Variants in KCNIP4 observed in about 807,000 individuals in gnomAD.
The protein encoded by KCNIP4 is potassium voltage-gated channel interacting protein 4, also known as Kv channel-interacting protein 4.
In KCNIP4, 12 loss-of-function variants were observed where a neutral mutation model predicts 34.0. The ratio of observed to expected loss-of-function variants is 0.35; its 90% CI spans 0.23 to 0.57. The LOEUF is 0.57. Ranked by LOEUF, KCNIP4 falls within the 20% of genes least tolerant of loss-of-function variation. The probability of loss-of-function intolerance (pLI) is 0.83; values close to 1 mark genes in which losing one functional copy is unlikely to be tolerated. For synonymous variants in KCNIP4, 124 were observed against 102.2 expected (o/e 1.21, Z -1.29); for missense variants, 238 against 311.7 (o/e 0.76, Z 1.78).
intron 1 of KCNIP4, among the ~76,000 whole-genome samples, chr4:21,440,986 C>T (rs1727421110): frequency 6.6e-6 from 1 of 152,058 alleles, no homozygotes; most frequent in Admixed American, 6.6e-5. Flanking sequence ...CAATCAGTAC[C>T]AAAGGCTGTC....
chr4:21,788,081 C>G (rs558096778), intron 1 of KCNIP4, among the ~76,000 whole-genome samples: 2 of 152,058 alleles, frequency 1.3e-5, no homozygotes, highest in Non-Finnish European at 2.9e-5. Flanking sequence ...CAGGCCTTGT[C>G]AATTAAATTT....
intron 1 of KCNIP4, among the ~76,000 whole-genome samples, chr4:21,645,003 T>C (rs1342100915): frequency 6.6e-6 from 1 of 152,178 alleles, no homozygotes. Flanking sequence ...AGATAACTCT[T>C]ATTGAACATT....
intron 1 of KCNIP4, among the ~76,000 whole-genome samples, chr4:21,293,232 T>C (rs2109214911): frequency 6.6e-6 from 1 of 152,348 alleles, no homozygotes; most frequent in South Asian, 2.1e-4. Flanking sequence ...TTCATCTCTA[T>C]AAGTCTTAAC....
intron 1 of KCNIP4, among the ~76,000 whole-genome samples, chr4:21,713,593 T>C (rs1157434949): frequency 6.6e-6 from 1 of 152,238 alleles, no homozygotes; most frequent in Non-Finnish European, 1.5e-5. Context: ...TTGTCATTTC[T>C]AAGTGTTGAA....
At chr4:21,843,781 C>T (rs1723837809) in intron 1 of KCNIP4, 1 of 152,042 alleles carries the variant, frequency 6.6e-6, no homozygotes. Flanking sequence ...ATTACAATTG[C>T]AAGTAATATG....
At chr4:21,018,299 G>C (rs1289853483) in intron 1 of KCNIP4, among the ~76,000 whole-genome samples, 1 of 152,162 alleles carries the variant, frequency 6.6e-6, no homozygotes, top group East Asian at 1.9e-4. Context: ...TATACTTGCT[G>C]CTTCTGAGAT....
intron 2 of KCNIP4, among the ~76,000 whole-genome samples, chr4:20,865,024 T>C (rs953647573): frequency 1.3e-5 from 2 of 152,156 alleles, no homozygotes; most frequent in Admixed American, 6.6e-5. Context: ...TTATAATACC[T>C]AATTTTCACC....
intron 1 of KCNIP4, among the ~76,000 whole-genome samples, chr4:21,817,190 C>G (rs1722038749): frequency 6.6e-6 from 1 of 152,038 alleles, no homozygotes; most frequent in Non-Finnish European, 1.5e-5. Context: ...AGTCAGGGAC[C>G]CCAAATGGAG....
intron 1 of KCNIP4, among the ~76,000 whole-genome samples, chr4:21,492,307 C>A (rs1197732331): frequency 1.3e-5 from 2 of 152,164 alleles, no homozygotes; most frequent in Admixed American, 1.3e-4. Context: ...CAGTCTTGAA[C>A]TCCGGGACTC....
intron 1 of KCNIP4, among the ~76,000 whole-genome samples, chr4:21,678,418 T>G (rs1486529342): frequency 6.6e-6 from 1 of 151,370 alleles, no homozygotes; most frequent in African/African-American, 2.4e-5. Flanking sequence ...AGCCAGTAGT[T>G]TGCTGACCTC....
At chr4:20,985,200 G>A (rs1399115790) in intron 1 of KCNIP4, among the ~76,000 whole-genome samples, 2 of 152,148 alleles carry the variant, frequency 1.3e-5, no homozygotes, top group African/African-American at 2.4e-5. Flanking sequence ...CTTGCTATGT[G>A]ATCTTGTGCA....
chr4:20,915,854 CA>C (rs1376648168), intron 1 of KCNIP4, among the ~76,000 whole-genome samples: 2 of 152,146 alleles, frequency 1.3e-5, no homozygotes, highest in Admixed American at 6.5e-5. Context: ...CTCAGTTTAA[CA>C]TTGCAAGCAA....
At chr4:21,375,047 C>A (rs1197779854) in intron 1 of KCNIP4, among the ~76,000 whole-genome samples, 4 of 147,524 alleles carry the variant, frequency 2.7e-5, no homozygotes, top group Non-Finnish European at 5.9e-5. Context: ...GAACAAAAAG[C>A]ATTTAGTGTG....
intron 1 of KCNIP4, among the ~76,000 whole-genome samples, chr4:21,472,611 G>A (rs1730567478): frequency 6.6e-6 from 1 of 152,138 alleles, no homozygotes; most frequent in African/African-American, 2.4e-5. Context: ...TTTCACTCAT[G>A]AGTTTTGAGG....
intron 1 of KCNIP4, among the ~76,000 whole-genome samples, chr4:20,900,801 C>G (rs537396076): frequency 6.6e-6 from 1 of 150,476 alleles, no homozygotes; most frequent in Non-Finnish European, 1.5e-5. Flanking sequence ...ACTCACAGAT[C>G]ATAAAAAGAA....
At chr4:21,778,311 T>G (rs894164033) in intron 1 of KCNIP4, among the ~76,000 whole-genome samples, 2 of 137,608 alleles carry the variant, frequency 1.5e-5, no homozygotes, top group Non-Finnish European at 3.1e-5. Flanking sequence ...CATGGCTCAC[T>G]GCAGCTTCAA....
intron 1 of KCNIP4, among the ~76,000 whole-genome samples, chr4:21,092,221 CA>C (rs1320223081): frequency 2.0e-5 from 3 of 151,098 alleles, no homozygotes; most frequent in Non-Finnish European, 4.4e-5. Context: ...TATTTAATTC[CA>C]AAAAAAATAA....
intron 1 of KCNIP4, among the ~76,000 whole-genome samples, chr4:21,540,322 C>G (rs908105598): frequency 6.6e-6 from 1 of 152,112 alleles, no homozygotes; most frequent in Admixed American, 6.6e-5. Flanking sequence ...CACACTGTCA[C>G]CTGACAACCT....
chr4:20,990,013 T>C (rs1180142612), intron 1 of KCNIP4, among the ~76,000 whole-genome samples: 1 of 152,134 alleles, frequency 6.6e-6, no homozygotes, highest in African/African-American at 2.4e-5. Context: ...TAAAGCCAGA[T>C]TGAGACCTCC....
Sources: allele counts gnomAD v4.1 joint callset (sites outside exome capture counted in the v4.1 genomes callset), GRCh38; gene constraint gnomAD v4.1.1; transcripts MANE v1.5; gene names NCBI Gene and HGNC (gene_info 2026-07-23, HGNC 2026-07-21).